Variants in IDO2 observed in about 807,000 individuals in gnomAD.
The protein encoded by IDO2 is indoleamine 2,3-dioxygenase 2.
IDO2 carries 46 observed loss-of-function variants against 45.1 expected under a neutral mutation model. The ratio of observed to expected loss-of-function variants is 1.02; its 90% CI spans 0.80 to 1.30. IDO2 has a LOEUF of 1.30. Among genes scored for constraint, IDO2 ranks in the 50% most tolerant of loss-of-function variants. The pLI, the probability that IDO2 is intolerant of heterozygous loss-of-function variation, is 0.00. For missense variants in IDO2, 544 were observed against 491.8 expected, an observed-to-expected ratio of 1.11 and a Z score of -1.00; for synonymous variants, 218 against 184.9, an observed-to-expected ratio of 1.18 and a Z score of -1.45.
intron 9 of IDO2, among the ~76,000 whole-genome samples, chr8:40,005,838 T>C (rs1345959821): frequency 3.3e-5 from 5 of 152,198 alleles, no homozygotes; most frequent in Non-Finnish European, 7.3e-5. Flanking sequence ...TGTTAAAACC[T>C]AATTGTGATG....
chr8:39,997,530 G>A (rs1802064468), intron 8 of IDO2, among the ~76,000 whole-genome samples: 2 of 152,086 alleles, frequency 1.3e-5, no homozygotes, highest in African/African-American at 4.8e-5. Context: ...AAATTAGATG[G>A]TAATGGTGGT....
chr8:39,987,282 C>T (rs1322915455), intron 6 of IDO2: 1 of 152,208 alleles, frequency 6.6e-6, no homozygotes, highest in African/African-American at 2.4e-5. Context: ...TCCTGGTAAG[C>T]CTAAGGATCT....
At chr8:40,013,218 C>A (rs1329061469) in intron 9 of IDO2, among the ~76,000 whole-genome samples, 1 of 152,036 alleles carries the variant, frequency 6.6e-6, no homozygotes, top group Non-Finnish European at 1.5e-5. Flanking sequence ...TTTTCCAGAG[C>A]CCCTAAAATG....
chr8:39,970,877 C>T (rs900071523), intron 3 of IDO2, among the ~76,000 whole-genome samples: 2 of 151,696 alleles, frequency 1.3e-5, no homozygotes, highest in Admixed American at 1.3e-4. Context: ...AGTGTTTCCC[C>T]TGCCTCAGCC....
intron 10 of IDO2, among the ~76,000 whole-genome samples, chr8:40,014,035 A>C (rs181302723): frequency 6.6e-6 from 1 of 152,254 alleles, no homozygotes; most frequent in African/African-American, 2.4e-5. Context: ...TGGAGTTTGA[A>C]GGCTATGAGT....
chr8:39,962,969 G>T (rs1808022024), intron 2 of IDO2, among the ~76,000 whole-genome samples: 2 of 152,230 alleles, frequency 1.3e-5, no homozygotes, highest in Non-Finnish European at 2.9e-5. Context: ...TTCTCCCTCT[G>T]GGTCACGGGT....
At chr8:40,014,633 G>C (rs1374091120) in intron 10 of IDO2, among the ~76,000 whole-genome samples, 1 of 152,122 alleles carries the variant, frequency 6.6e-6, no homozygotes, top group Non-Finnish European at 1.5e-5. Flanking sequence ...AGCTACCAAC[G>C]GGATACTTTG....
chr8:40,001,837 A>C (rs1248120448), intron 8 of IDO2, among the ~76,000 whole-genome samples: 1 of 152,020 alleles, frequency 6.6e-6, no homozygotes. Flanking sequence ...TCCAGGCTGG[A>C]GTGCAGTGGG....
intron 4 of IDO2, among the ~76,000 whole-genome samples, chr8:39,982,027 G>T (rs79448036): frequency 2.1e-3 from 313 of 152,236 alleles, no homozygotes; most frequent in African/African-American, 7.2e-3. Flanking sequence ...GAGGCAGTCT[G>T]TCCTCATGCT....
chr8:40,008,710 T>C (rs1019519743), intron 9 of IDO2, among the ~76,000 whole-genome samples: 3 of 152,258 alleles, frequency 2.0e-5, no homozygotes, highest in Admixed American at 6.5e-5. Flanking sequence ...GGATGAACTA[T>C]ATATTCTGAA....
chr8:39,959,315 C>T (rs182665339), intron 2 of IDO2, among the ~76,000 whole-genome samples: 1,878 of 151,592 alleles, frequency 0.012, 45 homozygotes, highest in African/African-American at 0.043. Flanking sequence ...GGGGTTTCAC[C>T]GTGTTAGCCA....
intron 3 of IDO2, among the ~76,000 whole-genome samples, chr8:39,965,030 G>A (rs921418973): frequency 4.6e-5 from 7 of 152,214 alleles, no homozygotes; most frequent in Admixed American, 2.0e-4. Context: ...TTATGAGGTC[G>A]TCTGCCGTAG....
chr8:39,979,211 C>T, intron 4 of IDO2, 25 bp downstream of exon 4: 1 of 1,560,368 alleles, frequency 6.4e-7, no homozygotes, highest in Non-Finnish European at 8.7e-7. Flanking sequence ...GCAGCTTCTC[C>T]TGTTACCCGG....
intron 9 of IDO2, among the ~76,000 whole-genome samples, chr8:40,009,451 AT>A (rs111333225): frequency 0.22 from 29,691 of 137,148 alleles, 3,602 homozygotes; most frequent in African/African-American, 0.35. Flanking sequence ...AAAAAAAAAA[AT>A]GATCTCATTT....
intron 2 of IDO2, among the ~76,000 whole-genome samples, chr8:39,952,582 C>T (rs1243382770): frequency 2.0e-5 from 3 of 152,170 alleles, no homozygotes; most frequent in Non-Finnish European, 2.9e-5. Context: ...ATGTGTGCCT[C>T]ACCAACTCAT....
At chr8:40,000,410 A>C (rs2955879) in intron 8 of IDO2, among the ~76,000 whole-genome samples, 4,481 of 143,032 alleles carry the variant, frequency 0.031, 217 homozygotes, top group African/African-American at 0.11. Flanking sequence ...CTCCATCTTC[A>C]AAAAAAAAAA....
At chr8:39,944,101 T>C (rs1807695448) in intron 1 of IDO2, among the ~76,000 whole-genome samples, 1 of 151,136 alleles carries the variant, frequency 6.6e-6, no homozygotes, top group Non-Finnish European at 1.5e-5. Flanking sequence ...TTTTTAGCTT[T>C]CATATTTATC....
intron 8 of IDO2, among the ~76,000 whole-genome samples, chr8:39,997,124 C>G (rs1033289260): frequency 1.3e-5 from 2 of 152,150 alleles, no homozygotes; most frequent in Non-Finnish European, 2.9e-5. Flanking sequence ...AAGACAAATA[C>G]AAATTCATAA....
intron 3 of IDO2, among the ~76,000 whole-genome samples, chr8:39,971,839 G>A (rs914631119): frequency 1.5e-4 from 23 of 151,314 alleles, no homozygotes; most frequent in Admixed American, 1.1e-3. Context: ...ACAGAGTTTC[G>A]TTCTTATTGC....
Sources: allele counts gnomAD v4.1 joint callset (sites outside exome capture counted in the v4.1 genomes callset), GRCh38; gene constraint gnomAD v4.1.1; transcripts MANE v1.5; gene names NCBI Gene and HGNC (gene_info 2026-07-23, HGNC 2026-07-21).